Variants in ALDH18A1 observed in about 807,000 individuals in gnomAD.
ALDH18A1 encodes the protein aldehyde dehydrogenase 18 family member A1, also known as delta-1-pyrroline-5-carboxylate synthase.
ALDH18A1 carries 44 observed loss-of-function variants against 88.8 expected under a neutral mutation model. The observed-to-expected ratio is 0.50, with a 90% confidence interval of 0.39 to 0.64. The LOEUF (loss-of-function observed/expected upper bound fraction) is 0.64, where lower values mean the gene tolerates loss of function less well. Among genes scored for constraint, ALDH18A1 ranks in the 30% least tolerant of loss-of-function variants. The probability of loss-of-function intolerance (pLI) is 0.00; values close to 1 mark genes in which losing one functional copy is unlikely to be tolerated. For missense variants in ALDH18A1, 782 were observed against 1,009.5 expected (o/e 0.77, Z 3.05); for synonymous variants, 331 against 372.1 (o/e 0.89, Z 1.27).
chr10:95,620,765 G>C (rs1450263485), intron 12 of ALDH18A1, among the ~76,000 whole-genome samples: 1 of 120,182 alleles, frequency 8.3e-6, no homozygotes, highest in Non-Finnish European at 1.7e-5. Context: ...ACAGGGTGGG[G>C]AACATCACAC....
intron 17 of ALDH18A1, 60 bp downstream of exon 17, chr10:95,610,137 C>T: frequency 1.3e-6 from 2 of 1,524,816 alleles, no homozygotes; most frequent in Non-Finnish European, 1.8e-6. Context: ...CTCAACATAC[C>T]CCTAGACCAC....
intron 13 of ALDH18A1, among the ~76,000 whole-genome samples, chr10:95,615,282 AG>A (rs2097842257): frequency 1.3e-5 from 2 of 151,702 alleles, no homozygotes; most frequent in Admixed American, 1.3e-4. Flanking sequence ...CAGTGAGCCG[AG>A]AGCCAAGATT....
At chr10:95,633,121 G>GCC in intron 6 of ALDH18A1, 72 bp from the exon 7 acceptor site, 1 of 1,403,236 alleles carries the variant, frequency 7.1e-7, no homozygotes, top group Non-Finnish European at 1.0e-6. Flanking sequence ...GAAGAACACA[G>GCC]CCAAGCTCAG....
At chr10:95,643,554 T>G (rs1334364350) in intron 2 of ALDH18A1, among the ~76,000 whole-genome samples, 1 of 152,236 alleles carries the variant, frequency 6.6e-6, no homozygotes, top group African/African-American at 2.4e-5. Flanking sequence ...CACTGTTATT[T>G]ATTATCAGAA....
At chr10:95,627,266 T>C (rs2097861731) in intron 9 of ALDH18A1, among the ~76,000 whole-genome samples, 176 bp downstream of exon 9, 1 of 152,134 alleles carries the variant, frequency 6.6e-6, no homozygotes, top group Non-Finnish European at 1.5e-5. Context: ...AGAATAGGTC[T>C]AGATAGGCAG....
At position 95,642,944 on chromosome 10, in the gene ALDH18A1, C is replaced by T. The variant is rs183018754; in HGVS notation, c.303+48G>A. On this transcript the variant is annotated intron_variant, in intron 3 of 17. Coordinates refer to ENST00000371224, the MANE Select transcript of ALDH18A1 (RefSeq NM_002860.4). Reference sequence around the variant, plus strand: ...ACTTAAACCTAATCTGAACTAGCGACTTAAAAACCCAATTTTAGTACAGCA... The same window carrying T: ...ACTTAAACCTAATCTGAACTAGCGATTTAAAAACCCAATTTTAGTACAGCA... 382 of 1,598,316 alleles carry T rather than the reference C, an allele frequency of 2.4e-4. 5 individuals are homozygous for T. The highest frequency in any genetic ancestry group is 8.3e-4 in the Admixed American group (49 of 59,026).
intron 7 of ALDH18A1, among the ~76,000 whole-genome samples, chr10:95,629,665 A>G (rs902585162): frequency 2.6e-5 from 4 of 152,200 alleles, no homozygotes; most frequent in African/African-American, 9.6e-5. Context: ...AGATTGGACA[A>G]TTCTAGCCAA....
intron 12 of ALDH18A1, among the ~76,000 whole-genome samples, chr10:95,619,795 G>T (rs1435316719): frequency 1.3e-5 from 2 of 152,098 alleles, no homozygotes; most frequent in Non-Finnish European, 2.9e-5. Flanking sequence ...ATTCAAGATG[G>T]ATTAAAAACT....
chr10:95,623,960 C>CAA (rs2097856923), intron 11 of ALDH18A1, among the ~76,000 whole-genome samples: 1 of 151,632 alleles, frequency 6.6e-6, no homozygotes, highest in Non-Finnish European at 1.5e-5. Flanking sequence ...CTTGGCCTCT[C>CAA]AAAGTGCTGG....
intron 9 of ALDH18A1, among the ~76,000 whole-genome samples, 166 bp downstream of exon 9, chr10:95,627,276 G>A (rs762224355): frequency 3.3e-5 from 5 of 151,848 alleles, no homozygotes; most frequent in Non-Finnish European, 5.9e-5. Flanking sequence ...TAGATAGGCA[G>A]GTTAGATAGA....
At chr10:95,624,160 T>C (rs1380497611) in intron 11 of ALDH18A1, among the ~76,000 whole-genome samples, 14 of 152,226 alleles carry the variant, frequency 9.2e-5, no homozygotes, top group Non-Finnish European at 1.9e-4. Flanking sequence ...TCTTTAGAAA[T>C]AGTTTTTGAG....
At position 95,637,453 on chromosome 10, in the gene ALDH18A1, GA is replaced by G. The variant is rs1396304031; in HGVS notation, c.304-18del. 1.9e-6 allele frequency: 3 copies of G among 1,613,740 alleles called. No individual in the cohort carries two copies. The African/African-American group carries it at 4.0e-5, about 22-fold the overall frequency. On this transcript the variant is annotated intron_variant, in intron 3 of 17. Transcript: ENST00000371224. ...CACTGATACCTGGGCATTGAGAAAGGAAAGGGGACTGTAAGTTACCGTACTG... is the reference window on the plus strand; with the variant it reads ...CACTGATACCTGGGCATTGAGAAAGGAAGGGGACTGTAAGTTACCGTACTG...
chr10:95,646,633 C>T (rs2097901807), intron 2 of ALDH18A1, among the ~76,000 whole-genome samples: 1 of 151,986 alleles, frequency 6.6e-6, no homozygotes, highest in African/African-American at 2.4e-5. Context: ...ATGTATTATA[C>T]TTGTTAGGGT....
intron 14 of ALDH18A1, 41 bp downstream of exon 14, chr10:95,613,925 A>T: frequency 6.2e-7 from 1 of 1,614,216 alleles, no homozygotes; most frequent in East Asian, 2.2e-5. Flanking sequence ...AGAGGATGTA[A>T]TATTTCTCCG....
At chr10:95,616,008 T>A (rs2097843578) in intron 13 of ALDH18A1, among the ~76,000 whole-genome samples, 1 of 152,214 alleles carries the variant, frequency 6.6e-6, no homozygotes, top group Non-Finnish European at 1.5e-5. Flanking sequence ...AAACTTCATT[T>A]GACAGTTGAG....
At chr10:95,617,588 CAA>C (rs1003104107) in intron 12 of ALDH18A1, among the ~76,000 whole-genome samples, 8 of 152,196 alleles carry the variant, frequency 5.3e-5, no homozygotes, top group Non-Finnish European at 7.3e-5. Flanking sequence ...CTTGTTAGAG[CAA>C]AGAGTGAGTG....
intron 2 of ALDH18A1, among the ~76,000 whole-genome samples, chr10:95,644,042 C>T (rs1002083391): frequency 3.9e-5 from 6 of 152,198 alleles, no homozygotes; most frequent in Non-Finnish European, 8.8e-5. Flanking sequence ...ACTCAGGTGG[C>T]TGAGGCAGGA....
Position 95,633,002 on chromosome 10 carries a change from C to T in ALDH18A1, c.765G>A (p.Val255=). 6.2e-7 allele frequency: 1 copy of T among 1,614,148 alleles called. No individual in the cohort carries two copies. Among genetic ancestry groups the T allele is most frequent in the Non-Finnish European group, 8.5e-7 (1 of 1,180,020 alleles). The change falls in exon 7 of 18, where the codon GTG becomes GTA. Residue 255 remains valine (V), a synonymous_variant. Coordinates refer to ENST00000371224, the MANE Select transcript of ALDH18A1 (RefSeq NM_002860.4). The part of the protein sequence containing the change: ...DNDSLAARLA[V]EMKTDLLIVL... ...CAATCAAGAGATCAGTTTTCATTTC[C>T]ACAGCCAGTCGGGCAGCCAGGCTAT...
chr10:95,614,852 T>G (rs1484872012), intron 13 of ALDH18A1, among the ~76,000 whole-genome samples: 1 of 152,118 alleles, frequency 6.6e-6, no homozygotes, highest in African/African-American at 2.4e-5. Flanking sequence ...GGAAACAATC[T>G]AAATATTCAT....
Sources: gnomAD v4.1 joint callset for allele counts (sites outside exome capture counted in the v4.1 genomes callset) on GRCh38, gnomAD v4.1.1 for gene constraint, MANE v1.5 for transcripts, NCBI Gene and HGNC (gene_info 2026-07-23, HGNC 2026-07-21) for gene names.